Variants in CCT2 observed in about 807,000 individuals in gnomAD.
The protein encoded by CCT2 is T-complex protein 1 subunit beta.
In CCT2, 18 loss-of-function variants were observed where a neutral mutation model predicts 61.8. The observed-to-expected ratio is 0.29, with a 90% CI of 0.20 to 0.43. The LOEUF is 0.43. Ranked by LOEUF, CCT2 falls within the 20% of genes least tolerant of loss-of-function variation. CCT2 has a pLI of 1.00. For missense variants in CCT2, 556 were observed against 656.9 expected (o/e 0.85, Z 1.68); for synonymous variants, 248 against 215.9 (o/e 1.15, Z -1.30).
intron 13 of CCT2, 22 bp downstream of exon 13, chr12:69,598,093 A>C: frequency 6.5e-7 from 1 of 1,531,014 alleles, no homozygotes; most frequent in African/African-American, 1.4e-5. Context: ...AAAATGAGAG[A>C]TCCGAACTTA....
intron 7 of CCT2, among the ~76,000 whole-genome samples, chr12:69,590,105 A>C (rs1479132330): frequency 1.3e-5 from 2 of 152,222 alleles, no homozygotes; most frequent in Admixed American, 6.5e-5. Flanking sequence ...TAGGTTCACA[A>C]TGCAGGTTTT....
chr12:69,598,094 T>C (rs766507587), intron 13 of CCT2, 23 bp downstream of exon 13: 5 of 1,532,166 alleles, frequency 3.3e-6, no homozygotes, highest in Non-Finnish European at 4.5e-6. Flanking sequence ...AAATGAGAGA[T>C]CCGAACTTAA....
chr12:69,600,384 C>T (rs1352926465), intron 15 of CCT2, among the ~76,000 whole-genome samples: 1 of 152,212 alleles, frequency 6.6e-6, no homozygotes. Context: ...GAAATCTTCA[C>T]AAGAAGTCAG....
Position 69,600,012 on chromosome 12 carries a change from A to G in CCT2, c.1577+8A>G. 1 of 1,594,806 alleles carries G rather than the reference A, an allele frequency of 6.3e-7. No individual in the cohort carries two copies. On this transcript the variant is annotated splice_region_variant and intron_variant, in intron 15 of 15. Transcript: ENST00000299300. ...CATCAAAGCGGCACCCAGGTACCCT[A>G]ACACTTTTCTCAGAAAAAATTACTA...
chr12:69,585,887 C>G, intron 1 of CCT2: 1 of 1,279,326 alleles, frequency 7.8e-7, no homozygotes, highest in Non-Finnish European at 9.9e-7. Flanking sequence ...GGTGGAGGGG[C>G]CGCAGCCTTC....
At chr12:69,592,246 G>A (rs1881856547) in intron 8 of CCT2, 87 bp downstream of exon 8, 1 of 685,276 alleles carries the variant, frequency 1.5e-6, no homozygotes, top group Non-Finnish European at 2.6e-6. Context: ...GGAGGCCAAG[G>A]TGGTGGATCA....
At chr12:69,600,214 GAA>G (rs1882111423) in intron 15 of CCT2, among the ~76,000 whole-genome samples, 1 of 152,180 alleles carries the variant, frequency 6.6e-6, no homozygotes, top group South Asian at 2.1e-4. Flanking sequence ...TCTTAGGATT[GAA>G]AAGGCACAGA....
chr12:69,593,200 GTCTTAGA>G (rs1881888157), intron 9 of CCT2, 97 bp downstream of exon 9: 1 of 1,073,318 alleles, frequency 9.3e-7, no homozygotes, highest in South Asian at 1.6e-5. Flanking sequence ...CCTAGGAACT[GTCTTAGA>G]TAACTTCACT....
chr12:69,594,845 T>TG (rs1565801185), intron 10 of CCT2, among the ~76,000 whole-genome samples: 6 of 123,518 alleles, frequency 4.9e-5, no homozygotes, highest in African/African-American at 1.7e-4. Flanking sequence ...GACCCTGTCT[T>TG]TAAAAAAAAA....
Position 69,598,397 on chromosome 12 carries a change from G to A in CCT2, c.1411G>A (p.Glu471Lys), listed in dbSNP as rs1395809525. The A allele has an allele frequency of 3.7e-6, 6 of 1,600,264 alleles. No individual in the cohort carries two copies. Among genetic ancestry groups the A allele is most frequent in the Admixed American group, 1.7e-5 (1 of 57,626 alleles). The change falls in exon 14 of 16, where the codon GAA becomes AAA. Residue 471 changes from glutamate to lysine, a missense_variant. Transcript: ENST00000299300. ...LVAQLRAAHS[E>K]GNTTAGLDMR... is the part of the protein sequence containing the mutation. ...GGCACAGCTCAGGGCTGCTCACAGT[G>A]AAGGCAATACCACTGCTGGATTGGG...
At chr12:69,591,959 T>G (rs139789644) in intron 7 of CCT2, 100 bp from the exon 8 acceptor site, 157 of 664,504 alleles carry the variant, frequency 2.4e-4, no homozygotes, top group Non-Finnish European at 3.9e-4. Context: ...TTAAATAGCT[T>G]CTTTGAAACA....
At chr12:69,597,037 G>C in intron 10 of CCT2, 119 bp from the exon 11 acceptor site, 1 of 797,638 alleles carries the variant, frequency 1.3e-6, no homozygotes, top group Non-Finnish European at 2.0e-6. Flanking sequence ...AATATAATCA[G>C]CAATCAATTT....
At chr12:69,592,896 C>T (rs903926871) in intron 8 of CCT2, 80 bp from the exon 9 acceptor site, 11 of 1,420,304 alleles carry the variant, frequency 7.7e-6, no homozygotes, top group Non-Finnish European at 1.1e-5. Flanking sequence ...CCACTGCACT[C>T]CAGCCTGGGC....
At chr12:69,591,976 T>A (rs905632791) in intron 7 of CCT2, 83 bp from the exon 8 acceptor site, 4 of 738,734 alleles carry the variant, frequency 5.4e-6, no homozygotes, top group Non-Finnish European at 6.6e-6. Flanking sequence ...AACAGTGATA[T>A]GATAAAGCAG....
At chr12:69,589,245 CAT>C (rs1474757296) in intron 6 of CCT2, 1 of 523,750 alleles carries the variant, frequency 1.9e-6, no homozygotes, top group Non-Finnish European at 3.4e-6. Context: ...TTCTTGCCAA[CAT>C]TAGACTTTTG....
In CCT2 at chr12:69,601,461, C is replaced by T. The variant is rs542682396; in HGVS notation, c.*136C>T. Reference sequence around the variant, plus strand: ...TAAGTTTGGATATTTAGCTGACCTTCGCTTTAACATAGGTCTAATTTATTT... The same window carrying T: ...TAAGTTTGGATATTTAGCTGACCTTTGCTTTAACATAGGTCTAATTTATTT... On this transcript the variant is annotated 3_prime_UTR_variant, in exon 16 of 16. Coordinates refer to ENST00000299300, the MANE Select transcript of CCT2 (RefSeq NM_006431.3). The T allele has an allele frequency of 3.2e-4, 493 of 1,562,704 alleles. No homozygotes were observed. The African/African-American group carries it at 3.3e-3, about 11-fold the overall frequency.
intron 14 of CCT2, among the ~76,000 whole-genome samples, chr12:69,599,276 G>A (rs780527379): frequency 1.8e-4 from 27 of 151,242 alleles, no homozygotes; most frequent in Non-Finnish European, 3.3e-4. Flanking sequence ...TCTTAGAGAT[G>A]GGGGGGCAGT....
intron 2 of CCT2, 78 bp downstream of exon 2, chr12:69,586,422 C>A: frequency 2.9e-6 from 3 of 1,018,410 alleles, no homozygotes; most frequent in Non-Finnish European, 4.6e-6. Flanking sequence ...AATCCCAGTA[C>A]TTTGGGAGGC....
At chr12:69,586,863 C>A in intron 3 of CCT2, 45 bp downstream of exon 3, 1 of 1,176,226 alleles carries the variant, frequency 8.5e-7, no homozygotes, top group South Asian at 1.4e-5. Context: ...TGTTTTAGAG[C>A]GCTTGGTGGA....
Sources: gnomAD v4.1 joint callset for allele counts (sites outside exome capture counted in the v4.1 genomes callset) on GRCh38, gnomAD v4.1.1 for gene constraint, MANE v1.5 for transcripts, NCBI Gene and HGNC (gene_info 2026-07-23, HGNC 2026-07-21) for gene names.